MPPED2: variants seen among roughly 807,000 people sequenced by gnomAD.
MPPED2 encodes the protein metallophosphoesterase domain containing 2, also known as metallophosphoesterase MPPED2.
MPPED2 carries 5 observed loss-of-function variants against 33.0 expected under a neutral mutation model. That is an observed-to-expected ratio of 0.15 (90% CI 0.08 to 0.32). The LOEUF (loss-of-function observed/expected upper bound fraction) is 0.32. Ranked by LOEUF, MPPED2 falls within the 10% of genes least tolerant of loss-of-function variation. The pLI, the probability that MPPED2 is intolerant of heterozygous loss-of-function variation, is 1.00. For synonymous variants in MPPED2, 136 were observed against 141.9 expected (o/e 0.96, Z 0.29); for missense variants, 275 against 372.1 (o/e 0.74, Z 2.15).
At chr11:30,400,970 G>A (rs151334196) in intron 6 of MPPED2, among the ~76,000 whole-genome samples, 73 of 151,616 alleles carry the variant, frequency 4.8e-4, no homozygotes, top group Admixed American at 2.9e-3. Context: ...GGTCTTGCCA[G>A]GTTGCCCAGG....
At position 30,411,029 on chromosome 11, in the gene MPPED2, AC is replaced by A; in HGVS notation, c.*438del. 12 of 985,644 alleles carry A rather than the reference AC, an allele frequency of 1.2e-5. No individual in the cohort carries two copies. The highest frequency in any genetic ancestry group is 1.4e-5 in the Non-Finnish European group (12 of 829,762). 61.1% of individuals were successfully genotyped at this position (985,644 alleles called of 1,614,324 possible). A position where few individuals can be genotyped will look rare whatever the true frequency, so the allele number is the denominator to read the frequency against. ...GCAAAAAAGAAGCATTACCAAGAAAACAACAACAACAAAACATTGAAAATTA... is the reference window on the plus strand; with the variant it reads ...GCAAAAAAGAAGCATTACCAAGAAAAAACAACAACAAAACATTGAAAATTA... On this transcript the variant is annotated 3_prime_UTR_variant, in exon 7 of 7. Transcript: ENST00000358117.
At chr11:30,493,100 C>T (rs1952057722) in intron 4 of MPPED2, among the ~76,000 whole-genome samples, 1 of 152,148 alleles carries the variant, frequency 6.6e-6, no homozygotes, top group South Asian at 2.1e-4. Context: ...GATACCAACT[C>T]GTAAAGCTAG....
intron 1 of MPPED2, among the ~76,000 whole-genome samples, chr11:30,581,841 T>C (rs185930386): frequency 1.3e-3 from 199 of 152,302 alleles, no homozygotes; most frequent in Non-Finnish European, 2.4e-3. Flanking sequence ...CTTCCTAATG[T>C]CAAGTGCACT....
chr11:30,535,138 T>C (rs1311441668), intron 3 of MPPED2, among the ~76,000 whole-genome samples: 1 of 152,204 alleles, frequency 6.6e-6, no homozygotes, highest in African/African-American at 2.4e-5. Context: ...ATCGAAAATT[T>C]AAAAAATTTT....
upstream of MPPED2, chr11:30,586,934 A>T (rs1008819062): frequency 8.5e-6 from 1 of 117,982 alleles, no homozygotes; most frequent in African/African-American, 2.7e-5. This position sits in a 1 kb window ranked among gnomAD's most constrained non-coding sequence, Gnocchi z 4.8. Context: ...CGACAGACAC[A>T]CACACACACA....
At chr11:30,391,584 T>C (rs1037221394) in intron 6 of MPPED2, among the ~76,000 whole-genome samples, 5 of 152,136 alleles carry the variant, frequency 3.3e-5, no homozygotes, top group African/African-American at 9.7e-5. Flanking sequence ...ATGGAATGAT[T>C]GTGTATGTTT....
At chr11:30,465,526 A>G (rs1030260575) in intron 4 of MPPED2, among the ~76,000 whole-genome samples, 1 of 152,198 alleles carries the variant, frequency 6.6e-6, no homozygotes, top group Non-Finnish European at 1.5e-5. Context: ...TCCTGGTCTC[A>G]AACAATCCGC....
At chr11:30,393,860 T>C (rs1158794887) in intron 6 of MPPED2, among the ~76,000 whole-genome samples, 2 of 152,172 alleles carry the variant, frequency 1.3e-5, no homozygotes, top group African/African-American at 4.8e-5. Flanking sequence ...TTTAACACAG[T>C]ATAGATTTGT....
chr11:30,460,871 C>T (rs1461754416), intron 4 of MPPED2, among the ~76,000 whole-genome samples: 1 of 152,144 alleles, frequency 6.6e-6, no homozygotes, highest in Non-Finnish European at 1.5e-5. Flanking sequence ...AATTCCACTT[C>T]TAAGTATATA....
intron 4 of MPPED2, among the ~76,000 whole-genome samples, chr11:30,476,367 A>G (rs1238462940): frequency 1.3e-5 from 2 of 152,040 alleles, no homozygotes; most frequent in Admixed American, 1.3e-4. Flanking sequence ...GTTTTCTTCT[A>G]GAAGTTTTAT....
chr11:30,551,843 G>A (rs1479626981), intron 2 of MPPED2, among the ~76,000 whole-genome samples: 1 of 152,144 alleles, frequency 6.6e-6, no homozygotes, highest in African/African-American at 2.4e-5. Flanking sequence ...TCTGTGTTAG[G>A]GGTAAAAATA....
At chr11:30,427,989 C>T (rs1948916868) in intron 4 of MPPED2, among the ~76,000 whole-genome samples, 1 of 152,096 alleles carries the variant, frequency 6.6e-6, no homozygotes, top group Non-Finnish European at 1.5e-5. Flanking sequence ...GTGGTTTCTT[C>T]CCTAGCTACA....
At position 30,494,757 on chromosome 11, in the gene MPPED2, A is replaced by AAAAAAAAAG. The variant is rs768924251; in HGVS notation, c.536+538_536+539insCTTTTTTTT. 1.0e-3 allele frequency among the ~76,000 whole-genome samples: 126 copies of AAAAAAAAAG among 120,804 alleles called. 1 individual carries two copies. Among genetic ancestry groups the AAAAAAAAAG allele is most frequent in the African/African-American group, 2.5e-3 (52 of 20,790 alleles). The allele number at this position is 120,804 out of a possible 152,430, so 79.3% of individuals were successfully genotyped here. ...CACCTCAAAAAAAAAAAAAAAAAAA[A>AAAAAAAAAG]AAAGAAAGAAAGAAAGAAAGAAAAG... On this transcript the variant is annotated intron_variant, in intron 4 of 6. Transcript: ENST00000358117.
At chr11:30,384,132 G>A (rs975030101), downstream of MPPED2, among the ~76,000 whole-genome samples, 3 of 147,944 alleles carry the variant, frequency 2.0e-5, no homozygotes, top group African/African-American at 7.5e-5. Context: ...CCTATTACAT[G>A]CTAGATATCA....
chr11:30,573,703 C>T (rs978988469), intron 2 of MPPED2, among the ~76,000 whole-genome samples: 6 of 152,176 alleles, frequency 3.9e-5, no homozygotes, highest in South Asian at 2.1e-4. Flanking sequence ...TTGGGATATA[C>T]GTGGTTTTTG....
chr11:30,495,488 G>C lies in MPPED2; in HGVS notation c.344C>G (p.Ala115Gly). 6.2e-7 allele frequency: 1 copy of C among 1,614,008 alleles called. No individual in the cohort carries two copies. The highest frequency in any genetic ancestry group is 8.5e-7 in the Non-Finnish European group (1 of 1,179,944). ...NLPYEYKIVIAGNHELTFDKE... is the reference protein window; with the variant it reads ...NLPYEYKIVIGGNHELTFDKE... ...ATCAAATGTCAGTTCATGATTCCCA[G>C]CAATCACTATTTTATATTCATATGG... Residue 115 changes from alanine to glycine, a missense_variant, in exon 4 of 7, where the codon GCT becomes GGT. Coordinates refer to ENST00000358117, the MANE Select transcript of MPPED2 (RefSeq NM_001584.3).
intron 4 of MPPED2, among the ~76,000 whole-genome samples, chr11:30,460,592 C>T (rs1950480993): frequency 6.6e-6 from 1 of 152,100 alleles, no homozygotes; most frequent in Non-Finnish European, 1.5e-5. Context: ...CACTGCACTC[C>T]AGCCTGGGCA....
chr11:30,506,291 G>T (rs1043091053), intron 3 of MPPED2, among the ~76,000 whole-genome samples: 1 of 152,114 alleles, frequency 6.6e-6, no homozygotes, highest in East Asian at 1.9e-4. Flanking sequence ...CCCTCAGCCC[G>T]CCTCAGCCTC....
downstream of MPPED2, among the ~76,000 whole-genome samples, chr11:30,406,553 A>C (rs1947992244): frequency 1.3e-5 from 2 of 152,196 alleles, no homozygotes; most frequent in Non-Finnish European, 2.9e-5. Flanking sequence ...GGACACTTAG[A>C]AAAGGGAGGG....
Sources: gnomAD v4.1 joint callset for allele counts (sites outside exome capture counted in the v4.1 genomes callset) on GRCh38, gnomAD v4.1.1 for gene constraint, Gnocchi (gnomAD v3.1) non-coding constraint, MANE v1.5 for transcripts, NCBI Gene and HGNC (gene_info 2026-07-23, HGNC 2026-07-21) for gene names.